The following TRAF2 variants were observed in gnomAD, a reference collection of about 807,000 sequenced individuals.
The protein encoded by TRAF2 is TNF receptor associated factor 2.
Under a neutral mutation model 55.6 loss-of-function variants are expected in TRAF2, and 6 were observed. The ratio of observed to expected loss-of-function variants is 0.11; its 90% CI spans 0.06 to 0.21. The LOEUF (loss-of-function observed/expected upper bound fraction) is 0.21. TRAF2 is among the 10% of genes least tolerant of loss of function. The pLI, the probability that TRAF2 is intolerant of heterozygous loss-of-function variation, is 1.00. For missense variants in TRAF2, 561 were observed against 684.5 expected (o/e 0.82, Z 2.01); for synonymous variants, 329 against 276.3 (o/e 1.19, Z -1.89).
intron 5 of TRAF2, 69 bp from the exon 6 acceptor site, chr9:136,909,851 T>G: frequency 6.5e-7 from 1 of 1,537,078 alleles, no homozygotes; most frequent in South Asian, 1.1e-5. Context: ...GCCTGAGCAC[T>G]GTGTGCCGCC....
At chr9:136,900,166 C>T (rs1849782320) in intron 3 of TRAF2, among the ~76,000 whole-genome samples, 1 of 126,496 alleles carries the variant, frequency 7.9e-6, no homozygotes, top group Non-Finnish European at 1.6e-5. Context: ...GAGACCCCTC[C>T]TTTAAAAAAA....
chr9:136,901,170 G>A (rs1463436475), intron 4 of TRAF2, among the ~76,000 whole-genome samples: 1 of 152,160 alleles, frequency 6.6e-6, no homozygotes, highest in Non-Finnish European at 1.5e-5. Context: ...CACCTTTTAG[G>A]CATTTGGAAA....
At chr9:136,890,552 A>G (rs1480749033) in intron 1 of TRAF2, 1 of 152,236 alleles carries the variant, frequency 6.6e-6, no homozygotes, top group Non-Finnish European at 1.5e-5. Flanking sequence ...GGTAAGTGCT[A>G]GGCACAGTGG....
At chr9:136,882,150 CGTCCCA>C, upstream of TRAF2, 5 of 661,456 alleles carry the variant, frequency 7.6e-6, no homozygotes, top group South Asian at 3.3e-4. Flanking sequence ...TGGGCTCTGT[CGTCCCA>C]AGACCTGAGT....
At chr9:136,890,959 C>T (rs367850737) in intron 1 of TRAF2, among the ~76,000 whole-genome samples, 2 of 152,210 alleles carry the variant, frequency 1.3e-5, no homozygotes, top group African/African-American at 2.4e-5. Context: ...CAGCCTCCTC[C>T]TCCCCAGGCT....
chr9:136,921,590 G>T (rs973941550), intron 9 of TRAF2, among the ~76,000 whole-genome samples: 2 of 152,178 alleles, frequency 1.3e-5, no homozygotes, highest in African/African-American at 2.4e-5. Context: ...GGGTGGCTGT[G>T]GGGGTGGGAC....
intron 7 of TRAF2, among the ~76,000 whole-genome samples, chr9:136,919,895 T>C (rs947724617): frequency 1.3e-5 from 2 of 151,976 alleles, no homozygotes; most frequent in African/African-American, 4.8e-5. Flanking sequence ...TTTAAAAATT[T>C]TTTGTAGACG....
intron 1 of TRAF2, among the ~76,000 whole-genome samples, chr9:136,897,933 T>C (rs7024969): frequency 6.9e-3 from 439 of 63,988 alleles, no homozygotes; most frequent in Middle Eastern, 0.047. Flanking sequence ...CTAGCCAGCC[T>C]CAGGTGTGCT....
intron 1 of TRAF2, chr9:136,898,473 A>G (rs1849737509): frequency 1.7e-6 from 1 of 572,160 alleles, no homozygotes; most frequent in Non-Finnish European, 2.2e-6. Flanking sequence ...GGTTGTGTGG[A>G]TGCCAGCTGT....
At chr9:136,910,048 C>CGTGA in intron 6 of TRAF2, 54 bp downstream of exon 6, 1 of 1,375,336 alleles carries the variant, frequency 7.3e-7, no homozygotes, top group East Asian at 2.4e-5. Flanking sequence ...ATGTGTTGGA[C>CGTGA]GTGAGGGTCC....
intron 4 of TRAF2, among the ~76,000 whole-genome samples, chr9:136,901,267 G>A (rs961481165): frequency 3.3e-5 from 5 of 152,200 alleles, no homozygotes; most frequent in African/African-American, 1.2e-4. Context: ...CTTCCTTCTT[G>A]TAATGAATGC....
intron 1 of TRAF2, among the ~76,000 whole-genome samples, chr9:136,889,117 T>C (rs1372283330): frequency 1.3e-5 from 2 of 152,190 alleles, no homozygotes. Flanking sequence ...CACCTCGGCC[T>C]CCCAGAGTGC....
chr9:136,898,968 C>T, intron 2 of TRAF2, 40 bp downstream of exon 2: 1 of 1,552,498 alleles, frequency 6.4e-7, no homozygotes, highest in Non-Finnish European at 8.7e-7. Context: ...GGCAGGCAGG[C>T]TAGGCTGGTT....
At chr9:136,908,978 C>T (rs1850028749) in intron 5 of TRAF2, among the ~76,000 whole-genome samples, 1 of 149,178 alleles carries the variant, frequency 6.7e-6, no homozygotes, top group African/African-American at 2.5e-5. Context: ...GCAGAGGTTG[C>T]AGCGAGCCAA....
chr9:136,920,307 T>G lies in TRAF2; in HGVS notation c.752T>G (p.Val251Gly). ...CACCTGGCCATGCTACTGAGCTCGG[T>G]GCTGGAGGCAAAGCCCCTCTTGGGA... Reference protein sequence around the residue: ...REHLAMLLSSVLEAKPLLGDQ... With the variant: ...REHLAMLLSSGLEAKPLLGDQ... The change falls in exon 8 of 11, where the codon GTG becomes GGG. Residue 251 changes from valine to glycine, a missense_variant. Val to Gly is a moderately radical substitution (Grantham distance 109). Transcript: ENST00000247668. 1.9e-6 allele frequency: 3 copies of G among 1,613,844 alleles called. No individual in the cohort carries two copies. Among genetic ancestry groups the G allele is most frequent in the Non-Finnish European group, 2.5e-6 (3 of 1,180,018 alleles).
chr9:136,899,656 T>C lies in TRAF2; in HGVS notation c.251T>C (p.Ile84Thr). ...HEGIYEEGIS[I>T]LESSSAFPDN... ...GGCATATATGAAGAAGGCATTTCTA[T>C]TTTAGAAAGCAGTTCGGTAAGTAAA... Residue 84 changes from isoleucine to threonine, a missense_variant, in exon 3 of 11, where the codon ATT becomes ACT. Around this residue, in one of 2 missense-constraint regions of TRAF2, gnomAD observed 426 missense variants for 476.8 expected, o/e 0.89. Coordinates refer to ENST00000247668, the MANE Select transcript of TRAF2 (RefSeq NM_021138.4). 5 of 1,612,942 alleles carry C rather than the reference T, an allele frequency of 3.1e-6. No individual in the cohort carries two copies. The highest frequency in any genetic ancestry group is 4.2e-6 in the Non-Finnish European group (5 of 1,179,090).
rs148120741 is a variant in TRAF2 at position 136,914,796 on chromosome 9, C to T, written c.604-1745C>T. Reference sequence around the variant, plus strand: ...TTGAGTTGCTGTGTCATAAGTCATTCGAAGCAGCGTCTCTGGGCAGGCGGC... The same window carrying T: ...TTGAGTTGCTGTGTCATAAGTCATTTGAAGCAGCGTCTCTGGGCAGGCGGC... On this transcript the variant is annotated intron_variant, in intron 6 of 10. Coordinates refer to ENST00000247668, the MANE Select transcript of TRAF2 (RefSeq NM_021138.4). Among the ~76,000 whole-genome samples the T allele has an allele frequency of 4.3e-3, 650 of 152,060 alleles. 4 individuals are homozygous for T. The highest frequency in any genetic ancestry group is 0.015 in the African/African-American group (623 of 41,454).
At chr9:136,886,501 G>T (rs1193869802), upstream of TRAF2, 4 of 1,001,014 alleles carry the variant, frequency 4.0e-6, no homozygotes, top group Admixed American at 1.2e-4. Context: ...GGGGGCGGTA[G>T]CTGGGCGGGC....
At chr9:136,899,398 G>A (rs1849763457) in intron 2 of TRAF2, among the ~76,000 whole-genome samples, 196 bp from the exon 3 acceptor site, 1 of 152,188 alleles carries the variant, frequency 6.6e-6, no homozygotes, top group Non-Finnish European at 1.5e-5. Context: ...CCTCACAAAC[G>A]GAGTGATAAA....
Sources: allele counts gnomAD v4.1 joint callset (sites outside exome capture counted in the v4.1 genomes callset), GRCh38; gene constraint gnomAD v4.1.1; regional missense constraint gnomAD v4.1.1; transcripts MANE v1.5; gene names NCBI Gene and HGNC (gene_info 2026-07-23, HGNC 2026-07-21).